Variants in LRRC4C observed in about 807,000 individuals in gnomAD.
LRRC4C encodes the protein leucine rich repeat containing 4C, also known as leucine-rich repeat-containing protein 4C.
In LRRC4C, 5 loss-of-function variants were observed where a neutral mutation model predicts 33.6. The observed-to-expected ratio is 0.15, with a 90% confidence interval of 0.08 to 0.31. LRRC4C has a LOEUF of 0.31. LRRC4C is among the 10% of genes least tolerant of loss of function. The pLI is 1.00. For missense variants in LRRC4C, 560 were observed against 796.7 expected (o/e 0.70, Z 3.58); for synonymous variants, 329 against 302.0 (o/e 1.09, Z -0.93).
intron 1 of LRRC4C, among the ~76,000 whole-genome samples, chr11:41,134,708 C>T (rs1848401680): frequency 6.6e-6 from 1 of 152,090 alleles, no homozygotes; most frequent in Admixed American, 6.6e-5. Context: ...ATGAAGTGCC[C>T]ACTCTAATCC....
intron 4 of LRRC4C, among the ~76,000 whole-genome samples, chr11:40,317,846 GGT>G (rs1945653048): frequency 6.6e-6 from 1 of 152,098 alleles, no homozygotes. Flanking sequence ...AGAGAAACCA[GGT>G]TCCTCTTTTA....
chr11:41,147,833 T>C (rs1001612799), intron 1 of LRRC4C, among the ~76,000 whole-genome samples: 28 of 152,126 alleles, frequency 1.8e-4, no homozygotes, highest in African/African-American at 6.5e-4. Context: ...CTCGTGTCTG[T>C]AATCCCAATA....
chr11:40,137,276 C>T (rs541687883), intron 6 of LRRC4C, among the ~76,000 whole-genome samples: 15 of 152,184 alleles, frequency 9.9e-5, no homozygotes, highest in African/African-American at 3.6e-4. Flanking sequence ...CTTTCTCTTC[C>T]TAGTAACCTA....
chr11:41,067,659 T>C (rs1464225118), intron 1 of LRRC4C, among the ~76,000 whole-genome samples: 1 of 152,182 alleles, frequency 6.6e-6, no homozygotes. Context: ...ACCACATAAT[T>C]GGAAGTAAAA....
chr11:41,455,472 A>G (rs1347975064), intron 1 of LRRC4C, among the ~76,000 whole-genome samples: 2 of 152,156 alleles, frequency 1.3e-5, no homozygotes, highest in Non-Finnish European at 2.9e-5. Flanking sequence ...CGACACATAC[A>G]CATATTCACA....
chr11:40,154,190 A>G (rs1441021344), intron 5 of LRRC4C, among the ~76,000 whole-genome samples: 2 of 152,004 alleles, frequency 1.3e-5, no homozygotes, highest in East Asian at 1.9e-4. Flanking sequence ...ACTAAGCATC[A>G]CATATGAAGG....
At chr11:41,130,943 A>G (rs1942982694) in intron 1 of LRRC4C, among the ~76,000 whole-genome samples, 1 of 152,036 alleles carries the variant, frequency 6.6e-6, no homozygotes, top group Non-Finnish European at 1.5e-5. Context: ...TAGAAGAGAA[A>G]AATCTTTTTT....
intron 2 of LRRC4C, among the ~76,000 whole-genome samples, chr11:40,924,539 A>C (rs1047808439): frequency 6.6e-6 from 1 of 152,176 alleles, no homozygotes; most frequent in African/African-American, 2.4e-5. Context: ...AATGGTATTA[A>C]TATGCAGTTA....
intron 2 of LRRC4C, among the ~76,000 whole-genome samples, chr11:40,709,535 T>C (rs1946355205): frequency 6.6e-6 from 1 of 152,174 alleles, no homozygotes; most frequent in Non-Finnish European, 1.5e-5. Context: ...TATTGACCCC[T>C]ACTCTCTTCT....
intron 2 of LRRC4C, among the ~76,000 whole-genome samples, chr11:40,705,352 C>T (rs921364974): frequency 2.6e-5 from 4 of 151,918 alleles, no homozygotes; most frequent in African/African-American, 9.7e-5. Context: ...GCTATCCCTC[C>T]CCCATCCCCT....
intron 1 of LRRC4C, among the ~76,000 whole-genome samples, chr11:40,995,325 G>C (rs1371719605): frequency 6.6e-6 from 1 of 152,008 alleles, no homozygotes; most frequent in Non-Finnish European, 1.5e-5. Flanking sequence ...TGCTTAAACA[G>C]GCTAGGGTAC....
chr11:40,762,002 TAC>T (rs1304357835), intron 2 of LRRC4C, among the ~76,000 whole-genome samples: 1 of 152,168 alleles, frequency 6.6e-6, no homozygotes, highest in African/African-American at 2.4e-5. Flanking sequence ...TACTCAAAAA[TAC>T]ACAGTGATTA....
intron 2 of LRRC4C, among the ~76,000 whole-genome samples, chr11:40,858,920 C>A (rs1173482996): frequency 6.6e-6 from 1 of 152,018 alleles, no homozygotes; most frequent in African/African-American, 2.4e-5. Context: ...TAAAAAAATT[C>A]TTGCCAAATA....
chr11:40,737,574 A>G (rs1947942222), intron 2 of LRRC4C, among the ~76,000 whole-genome samples: 1 of 124,872 alleles, frequency 8.0e-6, no homozygotes, highest in Non-Finnish European at 1.9e-5. Context: ...ATACACCAAT[A>G]ATAAAAAAAA....
chr11:40,870,643 T>A (rs1954589481), intron 2 of LRRC4C, among the ~76,000 whole-genome samples: 1 of 152,194 alleles, frequency 6.6e-6, no homozygotes, highest in Non-Finnish European at 1.5e-5. Flanking sequence ...ACTTCCCCAA[T>A]CAATACCCTT....
intron 2 of LRRC4C, among the ~76,000 whole-genome samples, chr11:40,800,717 T>G (rs1430678905): frequency 6.6e-6 from 1 of 152,162 alleles, no homozygotes; most frequent in African/African-American, 2.4e-5. Context: ...GCCACTCTAT[T>G]TTAATACAAA....
chr11:41,213,094 G>C (rs1356625898), intron 1 of LRRC4C, among the ~76,000 whole-genome samples: 9 of 152,142 alleles, frequency 5.9e-5, no homozygotes, highest in Non-Finnish European at 1.3e-4. Context: ...CTACAATAGT[G>C]CTAGAATAGG....
At chr11:40,313,586 A>AAT (rs1264869013) in intron 4 of LRRC4C, among the ~76,000 whole-genome samples, 80,636 of 141,922 alleles carry the variant, frequency 0.57, 24,640 homozygotes, top group East Asian at 0.77. Context: ...AAAACATGCT[A>AAT]GGAGGGGAAA....
At chr11:40,442,622 G>A (rs1951448242) in intron 3 of LRRC4C, among the ~76,000 whole-genome samples, 1 of 152,194 alleles carries the variant, frequency 6.6e-6, no homozygotes. Flanking sequence ...AAAGCCTAAA[G>A]TGTGATTCTC....
Sources: gnomAD v4.1 joint callset for allele counts (sites outside exome capture counted in the v4.1 genomes callset) on GRCh38, gnomAD v4.1.1 for gene constraint, MANE v1.5 for transcripts, NCBI Gene and HGNC (gene_info 2026-07-23, HGNC 2026-07-21) for gene names.